FRMD4A: variants seen among roughly 807,000 people sequenced by gnomAD.
FRMD4A encodes FERM domain containing 4A, also known as FERM domain-containing protein 4A.
A neutral mutation model predicts 129.1 loss-of-function variants in FRMD4A; 29 were observed. That is an observed-to-expected ratio of 0.22 (90% CI 0.17 to 0.31). The LOEUF (loss-of-function observed/expected upper bound fraction) is 0.31, where lower values mean the gene tolerates loss of function less well. Among genes scored for constraint, FRMD4A ranks in the 10% least tolerant of loss-of-function variants. FRMD4A has a pLI of 1.00. For synonymous variants in FRMD4A, 634 were observed against 571.6 expected, an observed-to-expected ratio of 1.11 and a Z score of -1.56; for missense variants, 1,272 against 1,375.8, an observed-to-expected ratio of 0.92 and a Z score of 1.19.
Position 13,656,703 on chromosome 10 carries a change from G to A in FRMD4A, c.2886C>T (p.Ser962=), listed in dbSNP as rs370459275. ...TGTGCGCCACGAAGGTGCTCTGGGA[G>A]GAGGTGCTGTACTGCGAGCCGCTGT... is the stretch of plus-strand genomic sequence containing the variant. ...SSDSGSQYST[S]SQSTFVAHSR... The change falls in exon 22 of 25, where the codon TCC becomes TCT. Residue 962 remains serine (S), a synonymous_variant. Transcript: ENST00000357447. 1.5e-4 allele frequency: 241 copies of A among 1,576,268 alleles called. No homozygotes were observed. Among genetic ancestry groups the A allele is most frequent in the Admixed American group, 8.2e-4 (46 of 55,838 alleles).
rs369165109 is a variant in FRMD4A, at chr10:13,700,460, G to C, written c.975+880C>G. Among the ~76,000 whole-genome samples the C allele has an allele frequency of 6.2e-4, 94 of 152,326 alleles. 1 individual carries two copies. Among genetic ancestry groups the C allele is most frequent in the African/African-American group, 2.2e-3 (93 of 41,566 alleles). The stretch of plus-strand genomic sequence containing the variant: ...CTCACGCGATGGAGGGAAATCCTCC[G>C]TAAGTGCTAGAAACCACTAGCCCAG... On this transcript the variant is annotated intron_variant, in intron 14 of 24. Coordinates refer to ENST00000357447, the MANE Select transcript of FRMD4A (RefSeq NM_018027.5).
intron 13 of FRMD4A, among the ~76,000 whole-genome samples, chr10:13,705,235 G>A (rs141724414): frequency 5.9e-5 from 9 of 152,270 alleles, no homozygotes; most frequent in African/African-American, 7.2e-5. Flanking sequence ...TCTAATAGGC[G>A]ACAGGCCCAC....
At chr10:13,851,401 T>C (rs1344898521) in intron 3 of FRMD4A, among the ~76,000 whole-genome samples, 2 of 152,198 alleles carry the variant, frequency 1.3e-5, no homozygotes, top group South Asian at 4.1e-4. Context: ...CATGGACTGG[T>C]ACCAGTCTAT....
chr10:14,142,084 G>A (rs1289827363), intron 2 of FRMD4A, among the ~76,000 whole-genome samples: 14 of 151,790 alleles, frequency 9.2e-5, no homozygotes. Flanking sequence ...CTCTAATAAA[G>A]ATGGAGACAT....
chr10:13,700,520 C>T (rs115179942), intron 14 of FRMD4A, among the ~76,000 whole-genome samples: 1 of 152,182 alleles, frequency 6.6e-6, no homozygotes, highest in Non-Finnish European at 1.5e-5. Flanking sequence ...ATTCCCCCAG[C>T]CCAAGCCAGC....
At chr10:13,826,427 G>A (rs1052740922) in intron 3 of FRMD4A, among the ~76,000 whole-genome samples, 18 of 152,104 alleles carry the variant, frequency 1.2e-4, no homozygotes, top group African/African-American at 3.6e-4. Flanking sequence ...AGAAATACCC[G>A]CTGCATCTAC....
intron 2 of FRMD4A, among the ~76,000 whole-genome samples, chr10:14,204,134 T>A (rs984684560): frequency 6.6e-6 from 1 of 152,124 alleles, no homozygotes; most frequent in Non-Finnish European, 1.5e-5. Context: ...CTTAGAGGTA[T>A]CACTATAGGC....
chr10:14,187,341 G>A (rs1842180467), intron 2 of FRMD4A, among the ~76,000 whole-genome samples: 1 of 152,164 alleles, frequency 6.6e-6, no homozygotes, highest in Non-Finnish European at 1.5e-5. Context: ...AGTAAATTGA[G>A]TCCCAGAGAG....
intron 2 of FRMD4A, among the ~76,000 whole-genome samples, chr10:13,959,395 C>T (rs1224107354): frequency 7.0e-6 from 1 of 143,672 alleles, no homozygotes; most frequent in African/African-American, 2.6e-5. Context: ...TTGTTTGAAC[C>T]CGGGAGGCAG....
In FRMD4A at chr10:14,185,690, G is replaced by A. The variant is rs182978255; in HGVS notation, c.45+144368C>T. On this transcript the variant is annotated intron_variant, in intron 2 of 24. Coordinates refer to ENST00000357447, the MANE Select transcript of FRMD4A (RefSeq NM_018027.5). ...CAGATGAGCAGAAGAGAGGATAGCA[G>A]CAGCTCAACAGTGGCACCTTCAGTA... is the stretch of plus-strand genomic sequence containing the variant. Among the ~76,000 whole-genome samples the A allele has an allele frequency of 1.9e-3, 290 of 152,316 alleles. 2 individuals carry two copies. Among genetic ancestry groups the A allele is most frequent in the African/African-American group, 6.5e-3 (271 of 41,568 alleles).
chr10:13,763,690 T>C (rs1291169272), intron 6 of FRMD4A, among the ~76,000 whole-genome samples: 1 of 152,208 alleles, frequency 6.6e-6, no homozygotes. Flanking sequence ...TATATTTATA[T>C]TTTTGAAATA....
intron 2 of FRMD4A, among the ~76,000 whole-genome samples, chr10:14,211,607 C>G (rs960673493): frequency 2.0e-5 from 3 of 152,248 alleles, no homozygotes; most frequent in African/African-American, 7.2e-5. Flanking sequence ...TCTTTAGGGT[C>G]AAAGATTGTA....
At chr10:14,180,597 G>C (rs1333050372) in intron 2 of FRMD4A, among the ~76,000 whole-genome samples, 1 of 152,176 alleles carries the variant, frequency 6.6e-6, no homozygotes, top group Non-Finnish European at 1.5e-5. Context: ...AAACTCTACA[G>C]TCTTCTGAAA....
At chr10:14,169,384 G>A (rs1841359415) in intron 2 of FRMD4A, among the ~76,000 whole-genome samples, 1 of 152,098 alleles carries the variant, frequency 6.6e-6, no homozygotes. Context: ...GACACGCATA[G>A]CATTCTTGCC....
intron 2 of FRMD4A, among the ~76,000 whole-genome samples, chr10:14,110,985 T>C (rs1837870615): frequency 6.6e-6 from 1 of 152,212 alleles, no homozygotes; most frequent in Non-Finnish European, 1.5e-5. Flanking sequence ...TGCTAAAAAT[T>C]TTTAAGAAAT....
At chr10:13,809,536 T>TG (rs1224964188) in intron 4 of FRMD4A, among the ~76,000 whole-genome samples, 17 of 152,296 alleles carry the variant, frequency 1.1e-4, no homozygotes, top group Non-Finnish European at 2.5e-4. Context: ...ATTGCAGTGC[T>TG]GGGTCCTTCC....
chr10:13,986,673 AT>A (rs1417608511), intron 2 of FRMD4A, among the ~76,000 whole-genome samples: 6 of 144,490 alleles, frequency 4.2e-5, no homozygotes, highest in East Asian at 4.4e-4. Context: ...AAATAAATAA[AT>A]AAAATAAATA....
Position 13,692,140 on chromosome 10 carries a change from C to CTTTTTTTTTT in FRMD4A, c.1117+1748_1117+1757dup, listed in dbSNP as rs747299123. The CTTTTTTTTTT allele has an allele frequency of 2.5e-4, 25 of 100,484 alleles. 11 individuals carry two copies. Among genetic ancestry groups the CTTTTTTTTTT allele is most frequent in the African/African-American group, 6.1e-4 (15 of 24,450 alleles). 6.2% of individuals were successfully genotyped at this position (100,484 alleles called of 1,614,324 possible). On this transcript the variant is annotated intron_variant, in intron 15 of 24. Coordinates refer to ENST00000357447, the MANE Select transcript of FRMD4A (RefSeq NM_018027.5). ...CTTGAAGCTTATAAAATTTTAGCAGCTTTTTTTTTTTTTTTTTTTTTTTTT... is the reference window on the plus strand; with the variant it reads ...CTTGAAGCTTATAAAATTTTAGCAGCTTTTTTTTTTTTTTTTTTTTTTTTTTTTTTTTTTT...
rs2083844253 is a variant in FRMD4A at position 13,674,891 on chromosome 10, A to T, written c.1251+20T>A. 6.2e-7 allele frequency: 1 copy of T among 1,612,930 alleles called. No individual in the cohort carries two copies. On this transcript the variant is annotated intron_variant, in intron 16 of 24. Transcript: ENST00000357447. ...CACAGACAACACCAATTTCAACGGG[A>T]TGAGCTAGGAAAGGCTTACAGCTTC... is the stretch of plus-strand genomic sequence containing the variant.
Sources: allele counts gnomAD v4.1 joint callset (sites outside exome capture counted in the v4.1 genomes callset), GRCh38; gene constraint gnomAD v4.1.1; transcripts MANE v1.5; gene names NCBI Gene and HGNC (gene_info 2026-07-23, HGNC 2026-07-21).